Variants in WDR49 observed in about 807,000 individuals in gnomAD.
WDR49 encodes WD repeat domain 49, also known as cilia- and flagella-associated protein 337.
WDR49 carries 107 observed loss-of-function variants against 119.5 expected under a neutral mutation model. The observed-to-expected ratio is 0.90, with a 90% CI of 0.77 to 1.05. WDR49 has a LOEUF of 1.05. Ranked by LOEUF, WDR49 falls within the 50% of genes least tolerant of loss-of-function variation. WDR49 has a pLI of 0.00. For synonymous variants in WDR49, 425 were observed against 418.8 expected (o/e 1.01, Z -0.18); for missense variants, 1,240 against 1,220.5 (o/e 1.02, Z -0.24).
intron 18 of WDR49, among the ~76,000 whole-genome samples, chr3:167,496,934 C>T (rs989118006): frequency 5.9e-5 from 9 of 152,032 alleles, no homozygotes; most frequent in African/African-American, 1.4e-4. Flanking sequence ...AAATGTAAAA[C>T]TCAGTTAATG....
chr3:167,525,863 A>AC (rs1428193342), intron 15 of WDR49, among the ~76,000 whole-genome samples: 9 of 150,158 alleles, frequency 6.0e-5, no homozygotes, highest in South Asian at 4.3e-4. Flanking sequence ...ACAAACAACA[A>AC]AAAAAAACTT....
chr3:167,503,081 G>T (rs183686254), intron 17 of WDR49, among the ~76,000 whole-genome samples: 1 of 152,280 alleles, frequency 6.6e-6, no homozygotes, highest in South Asian at 2.1e-4. Context: ...CTCCATATCC[G>T]TGCAGCTCCA....
intron 7 of WDR49, among the ~76,000 whole-genome samples, chr3:167,585,423 T>TGTGTGTGTG (rs1714761269): frequency 1.3e-5 from 2 of 151,492 alleles, no homozygotes; most frequent in Admixed American, 6.6e-5. Context: ...TGTGTGTGTG[T>TGTGTGTGTG]GTGTGTGTGT....
At chr3:167,500,026 A>G (rs1751497617) in intron 18 of WDR49, 127 bp downstream of exon 18, 2 of 1,110,218 alleles carry the variant, frequency 1.8e-6, no homozygotes, top group African/African-American at 3.3e-5. Flanking sequence ...TAACAGTCAA[A>G]CCACACTTTG....
chr3:167,517,871 C>A (rs926569165), intron 16 of WDR49, among the ~76,000 whole-genome samples: 6 of 152,012 alleles, frequency 3.9e-5, no homozygotes, highest in Non-Finnish European at 8.8e-5. Context: ...TCTCCTAATG[C>A]TATCCCTCCA....
chr3:167,598,528 G>C (rs1715605925), intron 7 of WDR49, among the ~76,000 whole-genome samples: 1 of 152,072 alleles, frequency 6.6e-6, no homozygotes, highest in Non-Finnish European at 1.5e-5. Context: ...TTGTTTAAAA[G>C]TGTATGGTGG....
At chr3:167,499,773 A>G (rs1258169012) in intron 18 of WDR49, among the ~76,000 whole-genome samples, 1 of 152,176 alleles carries the variant, frequency 6.6e-6, no homozygotes, top group Non-Finnish European at 1.5e-5. Flanking sequence ...GTTTCACATG[A>G]AAATAAAACA....
rs540860232 is a variant in WDR49 at position 167,536,109 on chromosome 3, A to G, written c.1954+761T>C. Among the ~76,000 whole-genome samples the G allele has an allele frequency of 2.9e-4, 44 of 152,248 alleles. 1 individual carries two copies. In the South Asian group the frequency reaches 7.5e-3, roughly 26 times the overall value. On this transcript the variant is annotated intron_variant, in intron 11 of 18. Coordinates refer to ENST00000682715, the MANE Select transcript of WDR49 (RefSeq NM_001366157.1). ...GACAGGAGGGGTGAGAGATTGGTCA[A>G]TGGGTAAAAAGCTAGTTATATGGGA...
chr3:167,641,802 A>T (rs1273974561), intron 2 of WDR49, among the ~76,000 whole-genome samples: 1 of 152,022 alleles, frequency 6.6e-6, no homozygotes, highest in East Asian at 1.9e-4. Flanking sequence ...ATTTAACAAA[A>T]GAGTATAATA....
intron 2 of WDR49, among the ~76,000 whole-genome samples, chr3:167,651,376 T>C (rs1338012121): frequency 6.6e-6 from 1 of 152,206 alleles, no homozygotes; most frequent in Non-Finnish European, 1.5e-5. Context: ...CATTTTATCC[T>C]TTTACAGCAA....
chr3:167,559,934 T>C, intron 9 of WDR49, 130 bp downstream of exon 9: 1 of 926,140 alleles, frequency 1.1e-6, no homozygotes, highest in Non-Finnish European at 1.6e-6. Flanking sequence ...GTTATTTCAC[T>C]CTTACCATGT....
intron 8 of WDR49, among the ~76,000 whole-genome samples, chr3:167,564,413 C>T (rs1376809912): frequency 6.6e-6 from 1 of 152,136 alleles, no homozygotes; most frequent in Admixed American, 6.5e-5. Context: ...TTTAACATTA[C>T]TTGGCAGATG....
Position 167,631,269 on chromosome 3 carries a change from A to G in WDR49, c.166-3977T>C, listed in dbSNP as rs187866135. Among the ~76,000 whole-genome samples, 346 of 152,246 alleles carry G rather than the reference A, an allele frequency of 2.3e-3. 2 individuals are homozygous for G. The highest frequency in any genetic ancestry group is 7.8e-3 in the African/African-American group (323 of 41,566). On this transcript the variant is annotated intron_variant, in intron 2 of 18. Coordinates refer to ENST00000682715, the MANE Select transcript of WDR49 (RefSeq NM_001366157.1). ...TACCCTAGAACTTAAAGTGTAATGA[A>G]TAAAAAAAGAAAAAAGAAATTGCCA...
Position 167,500,262 on chromosome 3 carries a change from C to T in WDR49, c.2922G>A (p.Glu974=). The T allele has an allele frequency of 1.9e-6, 3 of 1,606,518 alleles. No individual in the cohort carries two copies. The highest frequency in any genetic ancestry group is 2.5e-6 in the Non-Finnish European group (3 of 1,177,744). Residue 974 remains glutamate, a synonymous_variant, in exon 18 of 19, where the codon GAG becomes GAA. Coordinates refer to ENST00000682715, the MANE Select transcript of WDR49 (RefSeq NM_001366157.1). The part of the protein sequence containing the change: ...FRSLNIGALE[E]LPEVNKPAFL... ...AAGCAGGTTTATTCACTTCAGGCAGCTCTTCCAGGGCTCCAATGTTTAATG... is the reference window on the plus strand; with the variant it reads ...AAGCAGGTTTATTCACTTCAGGCAGTTCTTCCAGGGCTCCAATGTTTAATG...
chr3:167,564,719 C>T (rs1166237822), intron 8 of WDR49, among the ~76,000 whole-genome samples: 1 of 152,160 alleles, frequency 6.6e-6, no homozygotes, highest in Admixed American at 6.5e-5. Flanking sequence ...CTCTCATGTG[C>T]TTCAGTTAAT....
At chr3:167,482,666 G>A (rs1291115744) in intron 18 of WDR49, among the ~76,000 whole-genome samples, 1 of 145,080 alleles carries the variant, frequency 6.9e-6, no homozygotes, top group Admixed American at 6.8e-5. Flanking sequence ...GCGACAGAAC[G>A]AGACTCTGTC....
At chr3:167,587,396 G>C (rs1262802796) in intron 7 of WDR49, among the ~76,000 whole-genome samples, 1 of 152,194 alleles carries the variant, frequency 6.6e-6, no homozygotes, top group Non-Finnish European at 1.5e-5. Context: ...ACTTCAAGCT[G>C]TCAACATATA....
chr3:167,551,920 A>G (rs1262704709), intron 10 of WDR49, among the ~76,000 whole-genome samples: 2 of 152,004 alleles, frequency 1.3e-5, no homozygotes, highest in Non-Finnish European at 2.9e-5. Context: ...AAATGGGGAC[A>G]TTTTGTCTCT....
chr3:167,535,120 C>T (rs954640086), intron 11 of WDR49, among the ~76,000 whole-genome samples: 2 of 152,100 alleles, frequency 1.3e-5, no homozygotes, highest in Non-Finnish European at 2.9e-5. Flanking sequence ...GTTTAAATAA[C>T]TTGCTCATTA....
Sources: gnomAD v4.1 joint callset for allele counts (sites outside exome capture counted in the v4.1 genomes callset) on GRCh38, gnomAD v4.1.1 for gene constraint, MANE v1.5 for transcripts, NCBI Gene and HGNC (gene_info 2026-07-23, HGNC 2026-07-21) for gene names.